PDCD10: variants seen among roughly 807,000 people sequenced by gnomAD.
The protein encoded by PDCD10 is programmed cell death 10, also known as programmed cell death protein 10.
In PDCD10, 4 loss-of-function variants were observed where a neutral mutation model predicts 29.2. The observed-to-expected ratio is 0.14, with a 90% CI of 0.07 to 0.31. The LOEUF is 0.31. Ranked by LOEUF, PDCD10 falls within the 10% of genes least tolerant of loss-of-function variation. The pLI, the probability that PDCD10 is intolerant of heterozygous loss-of-function variation, is 1.00. For synonymous variants in PDCD10, 70 were observed against 82.2 expected (o/e 0.85, Z 0.80); for missense variants, 183 against 257.9 (o/e 0.71, Z 1.99).
chr3:167,734,006 T>C (rs1286694450), intron 2 of PDCD10, among the ~76,000 whole-genome samples: 3 of 152,204 alleles, frequency 2.0e-5, no homozygotes, highest in Admixed American at 6.5e-5. Flanking sequence ...AGATATACTA[T>C]ATAAAATACA....
intron 8 of PDCD10, 94 bp from the exon 9 acceptor site, chr3:167,684,483 AG>A: frequency 2.8e-6 from 2 of 711,358 alleles, no homozygotes; most frequent in Non-Finnish European, 2.5e-6. Flanking sequence ...AATCAATTTT[AG>A]AAAAAAAAAA....
At chr3:167,715,692 A>C (rs1251098597) in intron 3 of PDCD10, among the ~76,000 whole-genome samples, 1 of 152,130 alleles carries the variant, frequency 6.6e-6, no homozygotes, top group Non-Finnish European at 1.5e-5. Context: ...AGAGAAATGA[A>C]AATCAAAACT....
rs765817953 is a variant in PDCD10, at chr3:167,697,067, T to G, written c.210A>C (p.Lys70Asn). The G allele has an allele frequency of 2.5e-6, 4 of 1,612,182 alleles. No homozygotes were observed. Residue 70 changes from lysine to asparagine, a missense_variant, in exon 5 of 9, where the codon AAA (lysine) becomes AAC (asparagine). Transcript: ENST00000392750. ...ACTCCGTGAAGTTAACTTCCACGCT[T>G]TTTTTCTCTAAAATTTTCATAATGA... Reference protein sequence around the residue: ...QDIIMKILEKKSVEVNFTESL... With the variant: ...QDIIMKILEKNSVEVNFTESL...
chr3:167,696,902 G>A (rs1333325270), intron 5 of PDCD10, 107 bp downstream of exon 5: 2 of 758,168 alleles, frequency 2.6e-6, no homozygotes, highest in Non-Finnish European at 4.8e-6. Context: ...TGAAAGGGAG[G>A]GAGGGAAAAC....
intron 4 of PDCD10, among the ~76,000 whole-genome samples, chr3:167,702,411 C>A (rs139350243): frequency 6.6e-6 from 1 of 152,102 alleles, no homozygotes; most frequent in Non-Finnish European, 1.5e-5. Context: ...TTTAAGAATA[C>A]AGTATGTAAT....
At chr3:167,697,936 C>T (rs1720978559) in intron 4 of PDCD10, 1 of 456,504 alleles carries the variant, frequency 2.2e-6, no homozygotes, top group African/African-American at 2.0e-5. Flanking sequence ...AGGATGCCTG[C>T]CAATTTTAAT....
intron 6 of PDCD10, among the ~76,000 whole-genome samples, chr3:167,690,670 T>C (rs1227562520): frequency 6.6e-6 from 1 of 152,208 alleles, no homozygotes; most frequent in Non-Finnish European, 1.5e-5. Flanking sequence ...ATTTGCTGGA[T>C]CATTTTTCCT....
chr3:167,716,955 G>A (rs75765994), intron 3 of PDCD10, among the ~76,000 whole-genome samples: 12 of 151,740 alleles, frequency 7.9e-5, no homozygotes, highest in Admixed American at 3.3e-4. Flanking sequence ...TCTCCTCCCC[G>A]ATATACAAAG....
chr3:167,685,362 A>C (rs1480611374), intron 8 of PDCD10, among the ~76,000 whole-genome samples: 2 of 145,226 alleles, frequency 1.4e-5, no homozygotes, highest in African/African-American at 5.2e-5. Flanking sequence ...GTGAGCCCAG[A>C]TCCAGCCTGG....
chr3:167,713,570 G>A (rs1393895496), intron 3 of PDCD10, among the ~76,000 whole-genome samples: 1 of 151,528 alleles, frequency 6.6e-6, no homozygotes, highest in Non-Finnish European at 1.5e-5. Flanking sequence ...AAAGATCAGA[G>A]ATAAATGAAA....
intron 3 of PDCD10, among the ~76,000 whole-genome samples, chr3:167,712,100 G>T (rs1722579618): frequency 6.6e-6 from 1 of 152,056 alleles, no homozygotes; most frequent in South Asian, 2.1e-4. Context: ...TAAATACACA[G>T]AAACACACAG....
chr3:167,702,595 T>C (rs994569954), intron 4 of PDCD10, among the ~76,000 whole-genome samples: 9 of 148,210 alleles, frequency 6.1e-5, no homozygotes, highest in African/African-American at 2.4e-4. Flanking sequence ...AGGTTAACTG[T>C]ATATACATTA....
chr3:167,686,146 G>C (rs1164430956), intron 8 of PDCD10, among the ~76,000 whole-genome samples: 4 of 152,024 alleles, frequency 2.6e-5, no homozygotes, highest in Non-Finnish European at 4.4e-5. Flanking sequence ...AAATAATCTT[G>C]TTCAAAAAAT....
At chr3:167,717,817 T>C (rs1044601756) in intron 3 of PDCD10, among the ~76,000 whole-genome samples, 2 of 152,082 alleles carry the variant, frequency 1.3e-5, no homozygotes, top group Admixed American at 1.3e-4. Flanking sequence ...TTTTAAACGC[T>C]TGACACCATG....
chr3:167,695,993 AC>A (rs1385501414), intron 5 of PDCD10, among the ~76,000 whole-genome samples: 7 of 127,150 alleles, frequency 5.5e-5, no homozygotes, highest in African/African-American at 1.5e-4. Context: ...AAAAAAAAAA[AC>A]ACACAAAAAA....
intron 4 of PDCD10, among the ~76,000 whole-genome samples, chr3:167,700,006 T>C (rs1032944823): frequency 6.6e-6 from 1 of 152,154 alleles, no homozygotes; most frequent in African/African-American, 2.4e-5. Flanking sequence ...AGATACAAAT[T>C]ATTAAAAAGT....
intron 2 of PDCD10, among the ~76,000 whole-genome samples, chr3:167,721,667 A>C (rs1254934464): frequency 6.6e-6 from 1 of 152,208 alleles, no homozygotes; most frequent in Non-Finnish European, 1.5e-5. Context: ...CTCAACACCT[A>C]CGGAAACTGT....
chr3:167,692,339 C>T (rs747304943), intron 6 of PDCD10, among the ~76,000 whole-genome samples: 19 of 152,250 alleles, frequency 1.2e-4, no homozygotes, highest in Non-Finnish European at 2.6e-4. Flanking sequence ...TCATAAAGTG[C>T]ATCCATATAT....
chr3:167,714,376 G>T (rs564429191), intron 3 of PDCD10, among the ~76,000 whole-genome samples: 1 of 151,772 alleles, frequency 6.6e-6, no homozygotes, highest in Non-Finnish European at 1.5e-5. Flanking sequence ...TTTCCTCTAC[G>T]ATGTGGTAAA....
Sources: gnomAD v4.1 joint callset for allele counts (sites outside exome capture counted in the v4.1 genomes callset) on GRCh38, gnomAD v4.1.1 for gene constraint, MANE v1.5 for transcripts, NCBI Gene and HGNC (gene_info 2026-07-23, HGNC 2026-07-21) for gene names.